Variants in FAM184B observed in about 807,000 individuals in gnomAD.
FAM184B encodes the protein family with sequence similarity 184 member B.
Under a neutral mutation model 135.9 loss-of-function variants are expected in FAM184B, and 111 were observed. The observed-to-expected ratio is 0.82, with a 90% CI of 0.70 to 0.96. FAM184B has a LOEUF of 0.96. Ranked by LOEUF, FAM184B falls within the 40% of genes least tolerant of loss-of-function variation. The probability of loss-of-function intolerance (pLI) is 0.00; values close to 1 mark genes in which losing one functional copy is unlikely to be tolerated. For synonymous variants in FAM184B, 552 were observed against 524.8 expected (o/e 1.05, Z -0.71); for missense variants, 1,375 against 1,323.9 (o/e 1.04, Z -0.60).
chr4:17,649,010 TCA>T (rs1303252471), intron 11 of FAM184B, among the ~76,000 whole-genome samples: 1 of 152,238 alleles, frequency 6.6e-6, no homozygotes, highest in African/African-American at 2.4e-5. Context: ...ATTTGATACT[TCA>T]CTTTTCTGTA....
In FAM184B at chr4:17,665,482, T is replaced by C. The variant is rs115103763; in HGVS notation, c.1597-823A>G. 6.2e-3 allele frequency among the ~76,000 whole-genome samples: 942 copies of C among 152,340 alleles called. 11 individuals carry two copies. Among genetic ancestry groups the C allele is most frequent in the African/African-American group, 0.022 (906 of 41,578 alleles). ...GATTTGTCTCACGAAATAGTGATAA[T>C]TGTAACCTGTGCTTTTCATTAACTA... On this transcript the variant is annotated intron_variant, in intron 7 of 17. Coordinates refer to ENST00000265018, the MANE Select transcript of FAM184B (RefSeq NM_015688.2).
chr4:17,639,576 A>C (rs1715248125), intron 13 of FAM184B, among the ~76,000 whole-genome samples, 180 bp from the exon 14 acceptor site: 1 of 152,122 alleles, frequency 6.6e-6, no homozygotes, highest in South Asian at 2.1e-4. Flanking sequence ...GTCCAGGACA[A>C]ACCCCCACTA....
At chr4:17,663,825 G>A (rs894970209) in intron 8 of FAM184B, among the ~76,000 whole-genome samples, 20 of 152,066 alleles carry the variant, frequency 1.3e-4, no homozygotes, top group East Asian at 1.9e-4. Flanking sequence ...CATGGGGGCC[G>A]TTTCCCCCAT....
rs576183028 is a variant in FAM184B, at chr4:17,650,362, A to T, written c.2191+2468T>A. On this transcript the variant is annotated intron_variant, in intron 11 of 17. Transcript: ENST00000265018. ...TCTCATATCAACCTGCCATTACTGT[A>T]GGTGCTTGCACCTTCCCTTGAAGCC... is the stretch of plus-strand genomic sequence containing the variant. Among the ~76,000 whole-genome samples, 9 of 152,358 alleles carry T rather than the reference A, an allele frequency of 5.9e-5. No homozygotes were observed. The South Asian group carries it at 1.7e-3, about 28-fold the overall frequency.
intron 1 of FAM184B, among the ~76,000 whole-genome samples, chr4:17,751,383 A>G (rs1718288575): frequency 6.6e-6 from 1 of 151,190 alleles, no homozygotes; most frequent in Non-Finnish European, 1.5e-5. Context: ...CAATGTTTCC[A>G]TGTGTTGCCT....
intron 1 of FAM184B, among the ~76,000 whole-genome samples, chr4:17,738,547 T>G (rs1249980601): frequency 6.6e-6 from 1 of 152,112 alleles, no homozygotes; most frequent in Non-Finnish European, 1.5e-5. Flanking sequence ...TATCCTCCTT[T>G]TTTCTTTGGA....
intron 13 of FAM184B, 61 bp downstream of exon 13, chr4:17,641,995 G>A: frequency 2.7e-6 from 4 of 1,472,654 alleles, no homozygotes; most frequent in African/African-American, 2.9e-5. Context: ...AGTAGGGGGA[G>A]GGGGGGTGGC....
intron 7 of FAM184B, among the ~76,000 whole-genome samples, chr4:17,678,398 T>C (rs997910508): frequency 3.9e-4 from 59 of 151,882 alleles, no homozygotes; most frequent in Non-Finnish European, 7.2e-4. Flanking sequence ...GGGAATCAAA[T>C]CAAGAACTCA....
At chr4:17,707,340 G>A (rs989753383) in intron 3 of FAM184B, among the ~76,000 whole-genome samples, 3 of 152,198 alleles carry the variant, frequency 2.0e-5, no homozygotes, top group African/African-American at 7.2e-5. Flanking sequence ...TAAGTGGTGG[G>A]GGGTGAAGTG....
At chr4:17,765,293 T>C (rs576666949) in intron 1 of FAM184B, among the ~76,000 whole-genome samples, 18 of 152,286 alleles carry the variant, frequency 1.2e-4, no homozygotes, top group Non-Finnish European at 1.6e-4. Context: ...CTTCCTAATA[T>C]TCTTTCATGG....
At chr4:17,708,257 T>C (rs1717160078) in intron 2 of FAM184B, among the ~76,000 whole-genome samples, 1 of 152,122 alleles carries the variant, frequency 6.6e-6, no homozygotes, top group Admixed American at 6.5e-5. Flanking sequence ...CTGTAGACTG[T>C]AGGTTTCCAA....
intron 1 of FAM184B, among the ~76,000 whole-genome samples, chr4:17,764,382 G>A (rs961214548): frequency 6.6e-6 from 1 of 152,122 alleles, no homozygotes; most frequent in African/African-American, 2.4e-5. Context: ...AATCTGGAAG[G>A]GCTCATCGAA....
intron 3 of FAM184B, among the ~76,000 whole-genome samples, chr4:17,706,327 G>T (rs894996131): frequency 6.6e-6 from 1 of 152,036 alleles, no homozygotes; most frequent in Admixed American, 6.5e-5. Context: ...CACCTTTCTG[G>T]TTCCTGCAGA....
chr4:17,679,310 A>T (rs746147279), intron 7 of FAM184B, among the ~76,000 whole-genome samples: 10 of 152,348 alleles, frequency 6.6e-5, no homozygotes, highest in Non-Finnish European at 1.3e-4. Flanking sequence ...AGAATCTATA[A>T]ATAACTCACA....
chr4:17,678,924 G>A (rs1369913494), intron 7 of FAM184B, among the ~76,000 whole-genome samples: 1 of 152,102 alleles, frequency 6.6e-6, no homozygotes, highest in Non-Finnish European at 1.5e-5. Flanking sequence ...AACATAAAGT[G>A]GGGAAAGGAC....
intron 1 of FAM184B, among the ~76,000 whole-genome samples, chr4:17,739,757 T>C (rs1403339953): frequency 6.6e-6 from 1 of 151,726 alleles, no homozygotes; most frequent in African/African-American, 2.4e-5. Flanking sequence ...GGTTCCACCA[T>C]GTTGGCCAGG....
intron 1 of FAM184B, among the ~76,000 whole-genome samples, chr4:17,732,544 G>C (rs1398819917): frequency 6.6e-6 from 1 of 152,180 alleles, no homozygotes; most frequent in African/African-American, 2.4e-5. Flanking sequence ...TACCATTAGA[G>C]AATACTATAA....
At chr4:17,670,644 A>G (rs532020922) in intron 7 of FAM184B, among the ~76,000 whole-genome samples, 37 of 152,314 alleles carry the variant, frequency 2.4e-4, no homozygotes, top group African/African-American at 8.4e-4. Flanking sequence ...GCTACACTGC[A>G]TTTGTCTATT....
At chr4:17,726,548 T>G (rs1183231836) in intron 1 of FAM184B, among the ~76,000 whole-genome samples, 1 of 152,068 alleles carries the variant, frequency 6.6e-6, no homozygotes, top group Non-Finnish European at 1.5e-5. Context: ...ATTTTTGTAT[T>G]TTTAGTAGAG....
Sources: gnomAD v4.1 joint callset for allele counts (sites outside exome capture counted in the v4.1 genomes callset) on GRCh38, gnomAD v4.1.1 for gene constraint, MANE v1.5 for transcripts, NCBI Gene and HGNC (gene_info 2026-07-23, HGNC 2026-07-21) for gene names.